FOXP2: variants seen among roughly 807,000 people sequenced by gnomAD.
FOXP2 encodes the protein forkhead box P2.
In FOXP2, 12 loss-of-function variants were observed where a neutral mutation model predicts 115.8. The ratio of observed to expected loss-of-function variants is 0.10; its 90% CI spans 0.07 to 0.17. FOXP2 has a LOEUF of 0.17. Ranked by LOEUF, FOXP2 falls within the 10% of genes least tolerant of loss-of-function variation. The probability of loss-of-function intolerance (pLI) is 1.00; values close to 1 mark genes in which losing one functional copy is unlikely to be tolerated. For missense variants in FOXP2, 629 were observed against 843.5 expected, an observed-to-expected ratio of 0.75 and a Z score of 3.15; for synonymous variants, 328 against 297.7, an observed-to-expected ratio of 1.10 and a Z score of -1.05.
At chr7:114,254,395 C>T (rs1263256669) in intron 1 of FOXP2, among the ~76,000 whole-genome samples, 4 of 152,212 alleles carry the variant, frequency 2.6e-5, no homozygotes, top group African/African-American at 9.7e-5. Flanking sequence ...TGTTTTCCAA[C>T]TTGGTTCCAT....
chr7:114,451,405 T>G (rs1271604902), intron 2 of FOXP2, among the ~76,000 whole-genome samples: 2 of 152,070 alleles, frequency 1.3e-5, no homozygotes, highest in African/African-American at 4.8e-5. Flanking sequence ...CTCAAATTAT[T>G]GTTTGATGAA....
intron 2 of FOXP2, among the ~76,000 whole-genome samples, chr7:114,458,638 C>T (rs1235416311): frequency 6.8e-6 from 1 of 148,126 alleles, no homozygotes; most frequent in Non-Finnish European, 1.5e-5. Context: ...AACTTGACCT[C>T]CTGAGGTCAG....
At chr7:114,675,900 T>TTTATTA (rs575552175) in intron 16 of FOXP2, among the ~76,000 whole-genome samples, 1 of 150,162 alleles carries the variant, frequency 6.7e-6, no homozygotes, top group Non-Finnish European at 1.5e-5. Flanking sequence ...TTTATTTTAT[T>TTTATTA]TTATTATTAT....
intron 6 of FOXP2, among the ~76,000 whole-genome samples, chr7:114,641,255 C>G (rs1053064278): frequency 1.3e-5 from 2 of 152,148 alleles, no homozygotes; most frequent in African/African-American, 2.4e-5. Context: ...TATACAAAGA[C>G]ACAGTACTAT....
At chr7:114,535,350 A>C (rs929082365) in intron 3 of FOXP2, among the ~76,000 whole-genome samples, 37 of 151,486 alleles carry the variant, frequency 2.4e-4, no homozygotes, top group Middle Eastern at 3.4e-3. Flanking sequence ...GGGGGGGGAA[A>C]CATTTTTAAG....
intron 1 of FOXP2, among the ~76,000 whole-genome samples, chr7:114,116,662 G>T (rs958877737): frequency 1.3e-5 from 2 of 152,104 alleles, no homozygotes; most frequent in African/African-American, 2.4e-5. Flanking sequence ...AAAGCTGGAG[G>T]TTAGATAAGG....
intron 3 of FOXP2, among the ~76,000 whole-genome samples, chr7:114,569,555 G>A (rs1801189268): frequency 6.6e-6 from 1 of 151,882 alleles, no homozygotes; most frequent in Admixed American, 6.6e-5. Flanking sequence ...TGCCAAATAA[G>A]GTTAGCAAGA....
intron 1 of FOXP2, among the ~76,000 whole-genome samples, chr7:114,423,783 C>A (rs1367907798): frequency 1.3e-5 from 2 of 151,452 alleles, no homozygotes; most frequent in African/African-American, 2.4e-5. Flanking sequence ...GAAGTGTTAC[C>A]AAGAGAAACT....
chr7:114,193,942 T>C (rs1012916109), intron 1 of FOXP2, among the ~76,000 whole-genome samples: 35 of 152,070 alleles, frequency 2.3e-4, no homozygotes, highest in Admixed American at 4.6e-4. Flanking sequence ...AGAGATGCAA[T>C]GTGGGATAGA....
At chr7:114,267,837 A>G (rs1029701603) in intron 1 of FOXP2, among the ~76,000 whole-genome samples, 2 of 151,410 alleles carry the variant, frequency 1.3e-5, no homozygotes, top group Non-Finnish European at 2.9e-5. Flanking sequence ...TTTTAAGTGT[A>G]TGGTTCAATG....
At chr7:114,453,633 G>T (rs1795162502) in intron 2 of FOXP2, among the ~76,000 whole-genome samples, 1 of 152,096 alleles carries the variant, frequency 6.6e-6, no homozygotes, top group African/African-American at 2.4e-5. Flanking sequence ...TTGACAACTA[G>T]TAAGTCTCTT....
chr7:114,162,905 G>A (rs532676108), upstream of FOXP2: 12 of 151,910 alleles, frequency 7.9e-5, no homozygotes, highest in Non-Finnish European at 1.2e-4. Flanking sequence ...AAACTGATGC[G>A]TTTTGTAATA....
At position 114,111,076 on chromosome 7, in the gene FOXP2, G is replaced by A. The variant is rs990334593; in HGVS notation, c.-247+23238G>A. 1.2e-4 allele frequency among the ~76,000 whole-genome samples: 19 copies of A among 152,038 alleles called. 1 individual carries two copies. Among genetic ancestry groups the A allele is most frequent in the Non-Finnish European group, 1.5e-5 (1 of 68,000 alleles). The stretch of plus-strand genomic sequence containing the variant: ...CAGAGGATTAGAAGAAGAAGTAACA[G>A]CCCTGTTAAGGATCTGCTGTATTAG... On this transcript the variant is annotated intron_variant, in intron 1 of 19. Transcript: ENST00000635638.
At chr7:114,632,456 G>C (rs1307395106) in intron 6 of FOXP2, among the ~76,000 whole-genome samples, 1 of 152,062 alleles carries the variant, frequency 6.6e-6, no homozygotes, top group East Asian at 1.9e-4. Context: ...CTCAATTCAG[G>C]TAAGTTATAT....
chr7:114,130,889 T>A (rs1445310249), intron 1 of FOXP2, among the ~76,000 whole-genome samples: 1 of 152,212 alleles, frequency 6.6e-6, no homozygotes, highest in Non-Finnish European at 1.5e-5. Context: ...TAAGCTTTAT[T>A]TCTACTACAT....
chr7:114,426,383 G>A (rs892922064), intron 1 of FOXP2, 119 bp from the exon 2 acceptor site: 1 of 891,250 alleles, frequency 1.1e-6, no homozygotes, highest in East Asian at 2.6e-5. Context: ...ACTATTCAAG[G>A]CTTTTTTCTT....
At chr7:114,634,920 C>T (rs369936424) in intron 6 of FOXP2, among the ~76,000 whole-genome samples, 2 of 152,062 alleles carry the variant, frequency 1.3e-5, no homozygotes, top group African/African-American at 2.4e-5. Context: ...GATAGGAATA[C>T]ATGTGGTGAT....
At chr7:114,431,290 T>C (rs1288905605) in intron 2 of FOXP2, among the ~76,000 whole-genome samples, 1 of 151,960 alleles carries the variant, frequency 6.6e-6, no homozygotes, top group Admixed American at 6.6e-5. Flanking sequence ...ATGGGGCGCC[T>C]TTTCTCATTT....
At chr7:114,451,818 C>T (rs1047820443) in intron 2 of FOXP2, among the ~76,000 whole-genome samples, 1 of 151,958 alleles carries the variant, frequency 6.6e-6, no homozygotes, top group Non-Finnish European at 1.5e-5. Flanking sequence ...GAGAAAGTGA[C>T]AATTAAGCTA....
Sources: gnomAD v4.1 joint callset for allele counts (sites outside exome capture counted in the v4.1 genomes callset) on GRCh38, gnomAD v4.1.1 for gene constraint, MANE v1.5 for transcripts, NCBI Gene and HGNC (gene_info 2026-07-23, HGNC 2026-07-21) for gene names.